ALG9: variants seen among roughly 807,000 people sequenced by gnomAD.
ALG9 encodes ALG9 alpha-1,2-mannosyltransferase.
ALG9 carries 55 observed loss-of-function variants against 81.8 expected under a neutral mutation model. The observed-to-expected ratio is 0.67, with a 90% CI of 0.54 to 0.84. The LOEUF is 0.84. Among genes scored for constraint, ALG9 ranks in the 40% least tolerant of loss-of-function variants. The pLI, the probability that ALG9 is intolerant of heterozygous loss-of-function variation, is 0.00. For missense variants in ALG9, 629 were observed against 745.0 expected (o/e 0.84, Z 1.81); for synonymous variants, 278 against 274.3 (o/e 1.01, Z -0.13).
chr11:111,800,365 C>T (rs1220933209), intron 14 of ALG9, among the ~76,000 whole-genome samples: 1 of 152,036 alleles, frequency 6.6e-6, no homozygotes, highest in Non-Finnish European at 1.5e-5. Context: ...CCTGTAGTCC[C>T]AGCTACTCGG....
chr11:111,817,115 G>A (rs911708767), intron 13 of ALG9: 7 of 152,174 alleles, frequency 4.6e-5, no homozygotes, highest in South Asian at 2.1e-4. Flanking sequence ...GAAACAAAAC[G>A]AGAGTGAGAC....
At chr11:111,778,801 ATTTTC>A (rs1186663265), downstream of ALG9, among the ~76,000 whole-genome samples, 10 of 149,048 alleles carry the variant, frequency 6.7e-5, no homozygotes, top group East Asian at 3.9e-4. Context: ...GATAGTGGCA[ATTTTC>A]TTTTCTTTTC....
At position 111,786,400 on chromosome 11, in the gene ALG9, A is replaced by T; in HGVS notation, c.1854T>A (p.Gly618=). The part of the protein sequence containing the change: ...KAKQIRKKSG[G] Reference sequence around the variant, plus strand: ...CTTTGGGGCCACAGGTGTGTTGCTAACCTCCACTTTTCTTCCTGATTTGCT... The same window carrying T: ...CTTTGGGGCCACAGGTGTGTTGCTATCCTCCACTTTTCTTCCTGATTTGCT... The change falls in exon 15 of 15, where the codon GGT becomes GGA. Residue 618 remains glycine, a synonymous_variant. Transcript: ENST00000616540. The T allele has an allele frequency of 6.2e-7, 1 of 1,613,906 alleles. No individual in the cohort carries two copies. The highest frequency in any genetic ancestry group is 8.5e-7 in the Non-Finnish European group (1 of 1,179,918).
chr11:111,836,294 A>G lies in ALG9; in HGVS notation c.1473T>C (p.Asn491=), dbSNP rs782252831. ...CTGATGGAATGAACTGAAGCTGCCA[A>G]CTGTCAGAAACACAAGGAGAATAAG... is the stretch of plus-strand genomic sequence containing the variant. ...RFPSSFLLPD[N]WQLQFIPSEF... The change falls in exon 13 of 15, where the codon AAT becomes AAC. Residue 491 remains asparagine, a splice_region_variant and synonymous_variant. Transcript: ENST00000616540. 7 of 1,614,080 alleles carry G rather than the reference A, an allele frequency of 4.3e-6. No homozygotes were observed. In the South Asian group the frequency reaches 5.5e-5, roughly 13 times the overall value.
rs782718378 is a variant in ALG9 at position 111,853,649 on chromosome 11, C to T, written c.789G>A (p.Leu263=). The T allele has an allele frequency of 1.2e-6, 2 of 1,613,752 alleles. No individual in the cohort carries two copies. Among genetic ancestry groups the T allele is most frequent in the Non-Finnish European group, 1.7e-6 (2 of 1,179,836 alleles). The change falls in exon 7 of 15, where the codon CTG becomes CTA. Residue 263 remains leucine, a splice_region_variant and synonymous_variant. Coordinates refer to ENST00000616540, the MANE Select transcript of ALG9 (RefSeq NM_024740.2). ...AAAGCAAGTAAAAAAGAAAACTCAC[C>T]AGAAATAGTATGAGGGCCATCAGCG... ...HWSLMALILF[L]VPVVVIDSYY... is the part of the protein sequence containing the mutation.
Position 111,809,649 on chromosome 11 carries a change from G to A in ALG9, c.1727C>T (p.Ala576Val). Residue 576 changes from alanine (A) to valine (V), a missense_variant, in exon 14 of 15, where the codon GCT (alanine) becomes GTT (valine). This residue lies in a region of ALG9 where 264 missense variants were observed against 302.2 expected (regional missense o/e 0.87). Transcript: ENST00000616540. ...ISLAYRPFLD[A>V]SRSSKLLRAF... Reference sequence around the variant, plus strand: ...TAGGATTAAAGCCACATACCTAGAAGCATCAAGGAATGGTCTATAGGCCAA... The same window carrying A: ...TAGGATTAAAGCCACATACCTAGAAACATCAAGGAATGGTCTATAGGCCAA... The A allele has an allele frequency of 6.2e-7, 1 of 1,613,962 alleles. No individual in the cohort carries two copies. Among genetic ancestry groups the A allele is most frequent in the South Asian group, 1.1e-5 (1 of 91,078 alleles).
At chr11:111,800,530 G>A (rs1400247927) in intron 14 of ALG9, among the ~76,000 whole-genome samples, 2 of 151,062 alleles carry the variant, frequency 1.3e-5, no homozygotes, top group Non-Finnish European at 3.0e-5. Context: ...TCTATAACAA[G>A]GGCATACCAG....
chr11:111,797,315 A>G (rs1948445008), intron 14 of ALG9, among the ~76,000 whole-genome samples: 1 of 152,226 alleles, frequency 6.6e-6, no homozygotes, highest in African/African-American at 2.4e-5. Context: ...CCACCATGCT[A>G]TAAGGAAGCC....
intron 14 of ALG9, among the ~76,000 whole-genome samples, chr11:111,792,536 T>C (rs1373085960): frequency 2.0e-5 from 3 of 152,202 alleles, no homozygotes; most frequent in African/African-American, 4.8e-5. Flanking sequence ...CCAAGTGAAT[T>C]TGTGGTTTGG....
intron 8 of ALG9, among the ~76,000 whole-genome samples, chr11:111,848,590 CAAAAAAAAA>C (rs60317912): frequency 2.0e-5 from 1 of 50,230 alleles, no homozygotes; most frequent in Non-Finnish European, 4.9e-5. Flanking sequence ...AACTCCATCT[CAAAAAAAAA>C]AAAAAAAAAG....
chr11:111,862,195 G>A (rs1960418446), intron 4 of ALG9, among the ~76,000 whole-genome samples: 1 of 148,862 alleles, frequency 6.7e-6, no homozygotes, highest in Non-Finnish European at 1.5e-5. Flanking sequence ...CTGATTAGAT[G>A]TATGTCAGTT....
At chr11:111,778,260 C>T (rs540776751), downstream of ALG9, 1 of 152,182 alleles carries the variant, frequency 6.6e-6, no homozygotes, top group Non-Finnish European at 1.5e-5. Flanking sequence ...CCTGCTCAAG[C>T]CTCTTCTACC....
chr11:111,839,382 G>A (rs1355097695), intron 10 of ALG9, among the ~76,000 whole-genome samples: 1 of 151,888 alleles, frequency 6.6e-6, no homozygotes, highest in East Asian at 1.9e-4. Context: ...TCATGAGATC[G>A]AGACCATCCT....
At chr11:111,773,982 C>T in the ALG9 span, among the ~76,000 whole-genome samples, 1 of 148,430 alleles carries the variant, frequency 6.7e-6, no homozygotes, top group Non-Finnish European at 1.5e-5. Context: ...GTCTTAAACT[C>T]CTGGGCTTGT....
At chr11:111,865,021 C>A (rs1338366995) in intron 4 of ALG9, among the ~76,000 whole-genome samples, 160 bp downstream of exon 4, 1 of 152,198 alleles carries the variant, frequency 6.6e-6, no homozygotes, top group African/African-American at 2.4e-5. Flanking sequence ...AGGTGATCTG[C>A]CCGCCTTGGC....
intron 4 of ALG9, chr11:111,864,521 G>A (rs916206696): frequency 1.5e-6 from 1 of 659,132 alleles, no homozygotes; most frequent in African/African-American, 1.8e-5. Flanking sequence ...ATTCAAAAGA[G>A]AGCTAAATTT....
intron 13 of ALG9, among the ~76,000 whole-genome samples, chr11:111,826,077 A>ATAATAATAG (rs1427090713): frequency 1.4e-5 from 2 of 146,036 alleles, no homozygotes; most frequent in African/African-American, 5.0e-5. Flanking sequence ...AATAATAATA[A>ATAATAATAG]TAATAATAAT....
the ALG9 span, among the ~76,000 whole-genome samples, chr11:111,775,259 T>C: frequency 6.6e-6 from 1 of 152,172 alleles, no homozygotes; most frequent in Non-Finnish European, 1.5e-5. Flanking sequence ...CCCCTGAAGA[T>C]GGTATTCTTC....
chr11:111,820,937 C>CACACAT (rs1349180025), intron 13 of ALG9, among the ~76,000 whole-genome samples: 3 of 150,718 alleles, frequency 2.0e-5, no homozygotes, highest in African/African-American at 7.3e-5. Context: ...CACACACACA[C>CACACAT]ACACACACAC....
Sources: allele counts gnomAD v4.1 joint callset (sites outside exome capture counted in the v4.1 genomes callset), GRCh38; gene constraint gnomAD v4.1.1; regional missense constraint gnomAD v4.1.1; transcripts MANE v1.5; gene names NCBI Gene and HGNC (gene_info 2026-07-23, HGNC 2026-07-21).